The following BRCA2 variants were observed in gnomAD, a reference collection of about 807,000 sequenced individuals.
BRCA2 encodes BRCA2 DNA repair associated.
A neutral mutation model predicts 276.7 loss-of-function variants in BRCA2; 203 were observed. The ratio of observed to expected loss-of-function variants is 0.73; its 90% CI spans 0.65 to 0.82. The LOEUF is 0.82. BRCA2 is among the 40% of genes least tolerant of loss of function. BRCA2 has a pLI of 0.00. For synonymous variants in BRCA2, 1,289 were observed against 1,338.4 expected, an observed-to-expected ratio of 0.96 and a Z score of 0.81; for missense variants, 3,920 against 3,915.0, an observed-to-expected ratio of 1.00 and a Z score of -0.03.
intron 7 of BRCA2, 113 bp downstream of exon 7, chr13:32,326,726 GA>G: frequency 1.3e-6 from 1 of 778,904 alleles, no homozygotes; most frequent in Non-Finnish European, 2.1e-6. Context: ...TAATGTCTTT[GA>G]TAAGTGTGTT....
At chr13:32,385,957 G>A (rs2072957183) in intron 24 of BRCA2, 1 of 164,716 alleles carries the variant, frequency 6.1e-6, no homozygotes, top group Non-Finnish European at 1.4e-5. Flanking sequence ...TGGTTTTAAG[G>A]AAACTTCAGA....
chr13:32,380,690 G>T (rs759335040), intron 24 of BRCA2, among the ~76,000 whole-genome samples: 2 of 151,722 alleles, frequency 1.3e-5, no homozygotes, highest in African/African-American at 4.8e-5. Context: ...ACATATACCC[G>T]CCACCGAGCC....
At chr13:32,342,872 C>T (rs184836233) in intron 11 of BRCA2, among the ~76,000 whole-genome samples, 4 of 152,200 alleles carry the variant, frequency 2.6e-5, no homozygotes, top group Admixed American at 1.3e-4. Flanking sequence ...ATGGTAAAAC[C>T]TTGTCTCTAC....
At chr13:32,344,441 T>G in intron 11 of BRCA2, 117 bp from the exon 12 acceptor site, 1 of 643,466 alleles carries the variant, frequency 1.6e-6, no homozygotes, top group Non-Finnish European at 2.7e-6. Flanking sequence ...TTGTAAGTAT[T>G]TTTGTTTAAC....
chr13:32,339,244 C>CAA lies in BRCA2; in HGVS notation c.4893_4894dup (p.Ser1632LysfsTer5). On this transcript the variant is annotated frameshift_variant, in exon 11 of 27. Transcript: ENST00000380152. LOFTEE classifies it high-confidence loss of function. ...AGACAAACTGAAAATCTCAAAACAT[C>CAA]AAAAAGTATCTTTTTGAAAGTTAAA... is the stretch of plus-strand genomic sequence containing the variant. 6.2e-7 allele frequency: 1 copy of CAA among 1,612,464 alleles called. No individual in the cohort carries two copies.
In BRCA2 at chr13:32,398,953, C is replaced by A; in HGVS notation, c.*183C>A. The A allele has an allele frequency of 1.5e-6, 1 of 686,880 alleles. No individual in the cohort carries two copies. Among genetic ancestry groups the A allele is most frequent in the Non-Finnish European group, 2.3e-6 (1 of 433,546 alleles). 42.5% of individuals were successfully genotyped at this position (686,880 alleles called of 1,614,324 possible). ...TTTTGCCCGATTCCGTATTGGTATA[C>A]TTTTGCTTCAGTTGCATATCTTAAA... On this transcript the variant is annotated 3_prime_UTR_variant, in exon 27 of 27. Transcript: ENST00000380152.
chr13:32,317,161 T>C (rs1337242172), intron 2 of BRCA2, among the ~76,000 whole-genome samples: 1 of 152,200 alleles, frequency 6.6e-6, no homozygotes, highest in Non-Finnish European at 1.5e-5. Flanking sequence ...ATCATGCCAC[T>C]GCACTCTAGC....
rs1555288570 is a variant in BRCA2 at position 32,380,119 on chromosome 13, T to A, written c.9230T>A (p.Phe3077Tyr). 6.2e-7 allele frequency: 1 copy of A among 1,613,790 alleles called. No homozygotes were observed. The highest frequency in any genetic ancestry group is 8.5e-7 in the Non-Finnish European group (1 of 1,179,936). ...TGTTCTGAGGTGGACCTAATAGGAT[T>A]TGTCGTTTCTGTTGTGAAAAAAACA... is the stretch of plus-strand genomic sequence containing the variant. ...PSCSEVDLIG[F>Y]VVSVVKKTGL... Residue 3077 changes from phenylalanine (F) to tyrosine (Y), a missense_variant, in exon 24 of 27, where the codon TTT becomes TAT. Physicochemically the swap from Phe to Tyr is conservative, Grantham distance 22. This residue lies in a region of BRCA2 where 657 missense variants were observed against 758.2 expected (regional missense o/e 0.87). Transcript: ENST00000380152.
At chr13:32,378,711 C>G (rs2072890623) in intron 21 of BRCA2, among the ~76,000 whole-genome samples, 1 of 152,114 alleles carries the variant, frequency 6.6e-6, no homozygotes, top group Admixed American at 6.5e-5. Context: ...TTTTGTTACA[C>G]TGGGTAAGAT....
At chr13:32,367,757 T>C (rs1005065854) in intron 18 of BRCA2, among the ~76,000 whole-genome samples, 2 of 152,056 alleles carry the variant, frequency 1.3e-5, no homozygotes, top group Non-Finnish European at 2.9e-5. Flanking sequence ...ATCGTGCTAC[T>C]GCACTTCAGC....
intron 11 of BRCA2, among the ~76,000 whole-genome samples, chr13:32,342,089 T>C (rs1409122778): frequency 6.6e-6 from 1 of 151,892 alleles, no homozygotes; most frequent in Non-Finnish European, 1.5e-5. Flanking sequence ...CTGACCAACA[T>C]GGTGAAACCC....
At chr13:32,328,867 A>G (rs531641779) in intron 7 of BRCA2, among the ~76,000 whole-genome samples, 2 of 150,112 alleles carry the variant, frequency 1.3e-5, no homozygotes, top group Non-Finnish European at 3.0e-5. Context: ...GTGTGTGTGC[A>G]GTCATAAAGT....
chr13:32,324,710 T>C (rs2072330869), intron 3 of BRCA2, among the ~76,000 whole-genome samples: 1 of 152,156 alleles, frequency 6.6e-6, no homozygotes, highest in Admixed American at 6.5e-5. Context: ...TGATCATAGC[T>C]CAAGCTCCTG....
At chr13:32,343,048 G>A (rs946197829) in intron 11 of BRCA2, among the ~76,000 whole-genome samples, 22 of 142,224 alleles carry the variant, frequency 1.5e-4, no homozygotes, top group African/African-American at 5.2e-4. Flanking sequence ...GACTCCATCT[G>A]AAAAAAAAAA....
chr13:32,362,797 A>AC, intron 17 of BRCA2, 104 bp downstream of exon 17: 1 of 1,298,712 alleles, frequency 7.7e-7, no homozygotes, highest in East Asian at 2.4e-5. Flanking sequence ...GCCAGTTGTC[A>AC]GTGACAGTTG....
Position 32,319,325 on chromosome 13 carries a change from G to A in BRCA2, c.316G>A (p.Gly106Arg), listed in dbSNP as rs786201916. The A allele has an allele frequency of 6.2e-7, 1 of 1,611,234 alleles. No individual in the cohort carries two copies. The highest frequency in any genetic ancestry group is 1.7e-5 in the Admixed American group (1 of 60,010). The stretch of plus-strand genomic sequence containing the variant: ...ATTAGATAAATTCAAATTAGACTTA[G>A]GTAAGTAATGCAATATGGTAGACTG... ...KELDKFKLDL[G>R]RNVPNSRHKS... The change falls in exon 3 of 27, where the codon GGA becomes AGA. Residue 106 changes from glycine to arginine, a missense_variant and splice_region_variant. Transcript: ENST00000380152.
chr13:32,318,988 C>G (rs2138703023), intron 2 of BRCA2, 89 bp from the exon 3 acceptor site: 1 of 1,513,326 alleles, frequency 6.6e-7, no homozygotes, highest in Non-Finnish European at 9.0e-7. Flanking sequence ...AGATCTTAAG[C>G]ATTTTTTTCC....
intron 3 of BRCA2, among the ~76,000 whole-genome samples, chr13:32,323,909 A>T (rs2137443730): frequency 6.6e-6 from 1 of 152,318 alleles, no homozygotes; most frequent in African/African-American, 2.4e-5. Context: ...TGTAAATTGG[A>T]TTTCATATTG....
intron 11 of BRCA2, 137 bp downstream of exon 11, chr13:32,341,333 G>A: frequency 8.1e-7 from 1 of 1,232,920 alleles, no homozygotes; most frequent in Admixed American, 1.8e-5. Context: ...GTTTGGGGGA[G>A]TATGGTTTGA....
Sources: allele counts gnomAD v4.1 joint callset (sites outside exome capture counted in the v4.1 genomes callset), GRCh38; gene constraint gnomAD v4.1.1; regional missense constraint gnomAD v4.1.1; transcripts MANE v1.5; gene names NCBI Gene and HGNC (gene_info 2026-07-23, HGNC 2026-07-21).